The following ZBTB20 variants were observed in gnomAD, a reference collection of about 807,000 sequenced individuals.
ZBTB20 encodes the protein zinc finger and BTB domain containing 20.
A neutral mutation model predicts 56.9 loss-of-function variants in ZBTB20; 9 were observed. That is an observed-to-expected ratio of 0.16 (90% CI 0.10 to 0.28). ZBTB20 has a LOEUF of 0.28. Ranked by LOEUF, ZBTB20 falls within the 10% of genes least tolerant of loss-of-function variation. The pLI, the probability that ZBTB20 is intolerant of heterozygous loss-of-function variation, is 1.00. For synonymous variants in ZBTB20, 417 were observed against 420.7 expected, an observed-to-expected ratio of 0.99 and a Z score of 0.11; for missense variants, 655 against 1,003.0, an observed-to-expected ratio of 0.65 and a Z score of 4.69.
At chr3:114,962,896 G>T (rs1408210821) in intron 3 of ZBTB20, among the ~76,000 whole-genome samples, 4 of 152,120 alleles carry the variant, frequency 2.6e-5, no homozygotes, top group Non-Finnish European at 5.9e-5. Flanking sequence ...ATGAAAAATA[G>T]TGTACTTAGT....
chr3:115,028,842 T>C (rs921409627), intron 2 of ZBTB20, among the ~76,000 whole-genome samples: 2 of 150,808 alleles, frequency 1.3e-5, no homozygotes, highest in East Asian at 1.9e-4. Context: ...ATGAAGAATA[T>C]CTACCTATAA....
chr3:114,690,659 TC>T (rs1305315049), intron 6 of ZBTB20, among the ~76,000 whole-genome samples: 2 of 152,056 alleles, frequency 1.3e-5, no homozygotes, highest in African/African-American at 2.4e-5. Context: ...ATAATTTCTT[TC>T]CCCCCAAACA....
At chr3:114,433,107 A>C (rs532632608) in intron 7 of ZBTB20, among the ~76,000 whole-genome samples, 11 of 152,286 alleles carry the variant, frequency 7.2e-5, no homozygotes, top group African/African-American at 2.6e-4. Context: ...GGTCCTTTTC[A>C]ACTATACAAC....
At chr3:114,451,956 C>T (rs1334996827) in intron 7 of ZBTB20, among the ~76,000 whole-genome samples, 4 of 152,036 alleles carry the variant, frequency 2.6e-5, no homozygotes, top group African/African-American at 9.7e-5. Flanking sequence ...TAGGAGCTGC[C>T]TGAGTTGGGA....
intron 4 of ZBTB20, among the ~76,000 whole-genome samples, chr3:114,836,731 G>A (rs1209825165): frequency 2.6e-5 from 4 of 152,118 alleles, no homozygotes; most frequent in Non-Finnish European, 4.4e-5. Flanking sequence ...CTGCTATCAC[G>A]AACAAAAATC....
chr3:114,975,145 C>A (rs2078044766), intron 2 of ZBTB20, among the ~76,000 whole-genome samples: 1 of 152,062 alleles, frequency 6.6e-6, no homozygotes. Flanking sequence ...TGGGAACAGG[C>A]AGGATGTTGA....
At chr3:114,485,810 A>C (rs1237090323) in intron 7 of ZBTB20, among the ~76,000 whole-genome samples, 1 of 152,148 alleles carries the variant, frequency 6.6e-6, no homozygotes, top group African/African-American at 2.4e-5. Flanking sequence ...GGAAGCAGAG[A>C]GGACTTCACC....
intron 6 of ZBTB20, among the ~76,000 whole-genome samples, chr3:114,590,845 T>C (rs2055688224): frequency 6.6e-6 from 1 of 152,204 alleles, no homozygotes; most frequent in Admixed American, 6.5e-5. Context: ...ATGCAGACCA[T>C]TCCAGAAAGA....
At chr3:114,895,172 A>T (rs2074822745) in intron 4 of ZBTB20, among the ~76,000 whole-genome samples, 1 of 152,172 alleles carries the variant, frequency 6.6e-6, no homozygotes, top group Admixed American at 6.6e-5. Context: ...ATAGAAGGAA[A>T]TCAGAAAATC....
intron 6 of ZBTB20, among the ~76,000 whole-genome samples, chr3:114,632,741 T>C (rs781184443): frequency 1.3e-5 from 2 of 152,192 alleles, no homozygotes; most frequent in African/African-American, 2.4e-5. Context: ...ATCAATTTCT[T>C]CATGAGAATA....
chr3:114,338,715 C>A lies in ZBTB20; in HGVS notation c.*290G>T. On this transcript the variant is annotated 3_prime_UTR_variant, in exon 12 of 12. Transcript: ENST00000675478. ...TGTAAAGAAGGGTTGTATTTAGAGG[C>A]CAGTAGCTAGAGATCCAACCAGTGG... is the stretch of plus-strand genomic sequence containing the variant. 1 of 286,852 alleles carries A rather than the reference C, an allele frequency of 3.5e-6. No homozygotes were observed. Among genetic ancestry groups the A allele is most frequent in the Non-Finnish European group, 6.4e-6 (1 of 156,852 alleles). 17.8% of individuals were successfully genotyped at this position (286,852 alleles called of 1,614,324 possible). A position where few individuals can be genotyped will look rare whatever the true frequency, so the allele number is the denominator to read the frequency against.
At chr3:114,767,248 G>T (rs2068848671) in intron 5 of ZBTB20, among the ~76,000 whole-genome samples, 1 of 152,034 alleles carries the variant, frequency 6.6e-6, no homozygotes, top group South Asian at 2.1e-4. Context: ...AATAGGTTTT[G>T]CATAGATACT....
chr3:114,424,376 T>C (rs998929571), intron 7 of ZBTB20, among the ~76,000 whole-genome samples: 1 of 152,168 alleles, frequency 6.6e-6, no homozygotes, highest in African/African-American at 2.4e-5. Flanking sequence ...CATATAGATA[T>C]GCATGCAAAG....
intron 8 of ZBTB20, among the ~76,000 whole-genome samples, chr3:114,384,876 G>A (rs896846574): frequency 6.6e-5 from 10 of 152,148 alleles, no homozygotes; most frequent in Admixed American, 2.6e-4. Context: ...CCAGATCGGC[G>A]GCATTTGATG....
Position 114,966,355 on chromosome 3 carries a change from G to A in ZBTB20, c.-456+8011C>T, listed in dbSNP as rs528782526. On this transcript the variant is annotated intron_variant, in intron 3 of 11. Transcript: ENST00000675478. ...CACGAGGTGAATGAAGAAAAATGTA[G>A]CAAATTTATCAGAAAGATGGAAATT... Among the ~76,000 whole-genome samples, 76 of 152,174 alleles carry A rather than the reference G, an allele frequency of 5.0e-4. 1 individual carries two copies. The South Asian group carries it at 0.016, about 31-fold the overall frequency.
intron 3 of ZBTB20, among the ~76,000 whole-genome samples, chr3:114,911,736 G>C (rs1476626273): frequency 1.3e-5 from 2 of 151,590 alleles, no homozygotes; most frequent in Admixed American, 1.3e-4. Context: ...ACAAGAAAAA[G>C]ACTGAAAAAG....
intron 4 of ZBTB20, among the ~76,000 whole-genome samples, chr3:114,878,006 T>C (rs910130078): frequency 6.6e-6 from 1 of 152,150 alleles, no homozygotes; most frequent in Non-Finnish European, 1.5e-5. Context: ...CTTTCTCTTT[T>C]AACATACCAT....
Position 114,339,520 on chromosome 3 carries a change from A to C in ZBTB20, c.1805-94T>G, listed in dbSNP as rs529171612. The C allele has an allele frequency of 3.7e-6, 5 of 1,343,968 alleles. No individual in the cohort carries two copies. In the South Asian group the frequency reaches 6.0e-5, roughly 16 times the overall value. 83.3% of individuals were successfully genotyped at this position (1,343,968 alleles called of 1,614,324 possible). ...AGGAAAAACAAGACAACAAAAAAGAAAAATAAAACAATTAAAAAATAAAAT... is the reference window on the plus strand; with the variant it reads ...AGGAAAAACAAGACAACAAAAAAGACAAATAAAACAATTAAAAAATAAAAT... On this transcript the variant is annotated intron_variant, in intron 11 of 11. Transcript: ENST00000675478. This position sits in a 1 kb window ranked among gnomAD's most constrained non-coding sequence, Gnocchi z 4.2.
intron 6 of ZBTB20, among the ~76,000 whole-genome samples, chr3:114,517,573 C>G (rs948013184): frequency 6.6e-6 from 1 of 151,588 alleles, no homozygotes; most frequent in Non-Finnish European, 1.5e-5. Flanking sequence ...AGTCAATCAA[C>G]ACATATTTCT....
Sources: allele counts gnomAD v4.1 joint callset (sites outside exome capture counted in the v4.1 genomes callset), GRCh38; gene constraint gnomAD v4.1.1; non-coding constraint Gnocchi (gnomAD v3.1); transcripts MANE v1.5; gene names NCBI Gene and HGNC (gene_info 2026-07-23, HGNC 2026-07-21).